The following CELF2 variants were observed in gnomAD, a reference collection of about 807,000 sequenced individuals.
CELF2 encodes the protein CUG triplet repeat RNA-binding protein 2.
A neutral mutation model predicts 62.6 loss-of-function variants in CELF2; 8 were observed. The observed-to-expected ratio is 0.13, with a 90% CI of 0.07 to 0.23. The LOEUF (loss-of-function observed/expected upper bound fraction) is 0.23, where lower values mean the gene tolerates loss of function less well. CELF2 is among the 10% of genes least tolerant of loss of function. The pLI, the probability that CELF2 is intolerant of heterozygous loss-of-function variation, is 1.00. For missense variants in CELF2, 333 were observed against 671.0 expected (o/e 0.50, Z 5.56); for synonymous variants, 258 against 250.0 (o/e 1.03, Z -0.30).
chr10:11,069,464 G>A, intron 1 of CELF2, among the ~76,000 whole-genome samples: 1 of 145,950 alleles, frequency 6.9e-6, no homozygotes, highest in Non-Finnish European at 1.5e-5. Context: ...TGGATGAAAA[G>A]GAAATACGGT....
chr10:10,922,525 G>A (rs11256915), intron 2 of CELF2, among the ~76,000 whole-genome samples: 69,860 of 152,014 alleles, frequency 0.46, 16,976 homozygotes, highest in South Asian at 0.57. Context: ...AGAAATCACC[G>A]TCGGCACCCG....
chr10:10,812,708 T>C (rs1489756963), intron 1 of CELF2, among the ~76,000 whole-genome samples: 1 of 152,218 alleles, frequency 6.6e-6, no homozygotes, highest in African/African-American at 2.4e-5. Flanking sequence ...TAAGATTTTC[T>C]TCTTCTGAAT....
intron 2 of CELF2, among the ~76,000 whole-genome samples, chr10:10,973,782 G>C (rs1007288277): frequency 6.6e-6 from 1 of 152,058 alleles, no homozygotes; most frequent in Non-Finnish European, 1.5e-5. Flanking sequence ...TGCCTGGGCT[G>C]GTCTCGAACT....
chr10:10,567,254 C>A, the CELF2 span, among the ~76,000 whole-genome samples: 2 of 152,068 alleles, frequency 1.3e-5, no homozygotes, highest in Non-Finnish European at 2.9e-5. Flanking sequence ...ACTAGAGAAT[C>A]GTGTTACACT....
At chr10:11,045,469 A>C (rs1383068014) in intron 1 of CELF2, among the ~76,000 whole-genome samples, 1 of 152,246 alleles carries the variant, frequency 6.6e-6, no homozygotes, top group Admixed American at 6.5e-5. Context: ...CCTTACCTGT[A>C]AAATGGGTGA....
the CELF2 span, among the ~76,000 whole-genome samples, chr10:10,563,743 G>A: frequency 6.6e-6 from 1 of 151,906 alleles, no homozygotes; most frequent in African/African-American, 2.4e-5. Flanking sequence ...TGTGTGTTCT[G>A]TGAAGGTCCA....
chr10:11,176,608 G>A (rs1344360911), intron 2 of CELF2, among the ~76,000 whole-genome samples: 3 of 152,180 alleles, frequency 2.0e-5, no homozygotes, highest in African/African-American at 7.2e-5. Context: ...AATGTAAGTT[G>A]CCTAGGACAG....
At chr10:10,526,444 A>G in the CELF2 span, among the ~76,000 whole-genome samples, 1 of 152,146 alleles carries the variant, frequency 6.6e-6, no homozygotes, top group African/African-American at 2.4e-5. Flanking sequence ...TGTTCCAGAC[A>G]CCTTTAATTG....
intron 1 of CELF2, among the ~76,000 whole-genome samples, chr10:10,862,784 G>T (rs2060122487): frequency 6.6e-6 from 1 of 152,154 alleles, no homozygotes; most frequent in Non-Finnish European, 1.5e-5. Flanking sequence ...TTCCCATGAA[G>T]ACTATGGAAT....
At chr10:10,479,074 G>A in the CELF2 span, among the ~76,000 whole-genome samples, 1 of 152,020 alleles carries the variant, frequency 6.6e-6, no homozygotes, top group Non-Finnish European at 1.5e-5. Context: ...CTTCAAGCAA[G>A]GACTGCCTCT....
intron 2 of CELF2, among the ~76,000 whole-genome samples, chr10:10,968,528 G>C (rs2050398442): frequency 6.6e-6 from 1 of 152,150 alleles, no homozygotes; most frequent in South Asian, 2.1e-4. Flanking sequence ...TTTTATTGCT[G>C]TCTGTGTGAA....
At chr10:11,179,976 C>T (rs1012655262) in intron 2 of CELF2, among the ~76,000 whole-genome samples, 12 of 152,126 alleles carry the variant, frequency 7.9e-5, no homozygotes, top group Non-Finnish European at 1.5e-5. Context: ...ACTCCTAGCC[C>T]CCTAGTCTTC....
the CELF2 span, among the ~76,000 whole-genome samples, chr10:10,645,806 G>T: frequency 1.3e-5 from 2 of 152,212 alleles, no homozygotes; most frequent in African/African-American, 4.8e-5. Flanking sequence ...ATTGACAAAT[G>T]ATTGAAGGCA....
Position 11,296,269 on chromosome 10 carries a change from G to T in CELF2, c.976+7717G>T, listed in dbSNP as rs148312357. 1.5e-3 allele frequency among the ~76,000 whole-genome samples: 229 copies of T among 152,274 alleles called. No homozygotes were observed. Among genetic ancestry groups the T allele is most frequent in the African/African-American group, 5.1e-3 (212 of 41,538 alleles). On this transcript the variant is annotated intron_variant, in intron 9 of 12. Coordinates refer to ENST00000633077, the MANE Select transcript of CELF2 (RefSeq NM_001326342.2). The surrounding 1 kb of genome is among the most constrained non-coding windows in gnomAD (Gnocchi z 5.0). ...TTTGCTGTTGGTGGCGCTGGACTCT[G>T]TGCTAAGTGTGATTTGTTTTTAAAT...
intron 1 of CELF2, among the ~76,000 whole-genome samples, chr10:11,025,237 G>GTATATATATATA (rs763592456): frequency 0.061 from 3,024 of 49,520 alleles, 34 homozygotes; most frequent in Middle Eastern, 0.27. Context: ...GTGTGTGTGT[G>GTATATATATATA]TGTATATGTA....
At chr10:11,148,541 A>G (rs1176744506) in intron 1 of CELF2, among the ~76,000 whole-genome samples, 2 of 152,144 alleles carry the variant, frequency 1.3e-5, no homozygotes, top group Non-Finnish European at 1.5e-5. Context: ...TGACACTCTC[A>G]CTGTCTGCTG....
the CELF2 span, among the ~76,000 whole-genome samples, chr10:10,674,311 T>C: frequency 6.6e-6 from 1 of 152,234 alleles, no homozygotes. Context: ...TTGAAGTCTG[T>C]TCTTTTTGAA....
the CELF2 span, among the ~76,000 whole-genome samples, chr10:10,613,810 G>A: frequency 6.6e-6 from 1 of 152,106 alleles, no homozygotes; most frequent in Non-Finnish European, 1.5e-5. Flanking sequence ...TGATTATGGC[G>A]AGATAATCAC....
intron 2 of CELF2, among the ~76,000 whole-genome samples, chr10:10,962,997 C>CTGTTTTGTTTTGTTTTGTTT (rs57417707): frequency 7.0e-6 from 1 of 142,602 alleles, no homozygotes; most frequent in African/African-American, 2.6e-5. Flanking sequence ...TAAGGAAATT[C>CTGTTTTGTTTTGTTTTGTTT]TGTTTTGTTT....
Sources: gnomAD v4.1 joint callset for allele counts (sites outside exome capture counted in the v4.1 genomes callset) on GRCh38, gnomAD v4.1.1 for gene constraint, Gnocchi (gnomAD v3.1) non-coding constraint, MANE v1.5 for transcripts, NCBI Gene and HGNC (gene_info 2026-07-23, HGNC 2026-07-21) for gene names.